Variants in PIK3R5 observed in about 807,000 individuals in gnomAD.
PIK3R5 encodes phosphoinositide-3-kinase regulatory subunit 5, also known as phosphoinositide 3-kinase regulatory subunit 5.
In PIK3R5, 32 loss-of-function variants were observed where a neutral mutation model predicts 94.9. The observed-to-expected ratio is 0.34, with a 90% CI of 0.25 to 0.45. PIK3R5 has a LOEUF of 0.45. Ranked by LOEUF, PIK3R5 falls within the 20% of genes least tolerant of loss-of-function variation. The probability of loss-of-function intolerance (pLI) is 1.00; values close to 1 mark genes in which losing one functional copy is unlikely to be tolerated. For missense variants in PIK3R5, 853 were observed against 1,144.6 expected (o/e 0.75, Z 3.68); for synonymous variants, 443 against 479.4 (o/e 0.92, Z 0.99).
chr17:8,902,499 A>G (rs1164902476), intron 5 of PIK3R5, among the ~76,000 whole-genome samples: 1 of 152,000 alleles, frequency 6.6e-6, no homozygotes, highest in Admixed American at 6.6e-5. Flanking sequence ...TGATCTGCCC[A>G]CCTCGGCCTC....
intron 1 of PIK3R5, among the ~76,000 whole-genome samples, chr17:8,946,437 C>T (rs1162356098): frequency 1.3e-5 from 2 of 151,768 alleles, no homozygotes; most frequent in South Asian, 2.1e-4. Context: ...TAGGAGATGG[C>T]GCCGTCTGCC....
At position 8,912,404 on chromosome 17, in the gene PIK3R5, C is replaced by G. The variant is rs538911595; in HGVS notation, c.-13-897G>C. 3 of 152,258 alleles carry G rather than the reference C, an allele frequency of 2.0e-5. No homozygotes were observed. The South Asian group carries it at 6.2e-4, about 31-fold the overall frequency. 9.4% of individuals were successfully genotyped at this position (152,258 alleles called of 1,614,324 possible). Reference sequence around the variant, plus strand: ...CTAGCCATGTGACTTTGGGCAAATACTTTAACTTTTCCAAACTTCTGTTGA... The same window carrying G: ...CTAGCCATGTGACTTTGGGCAAATAGTTTAACTTTTCCAAACTTCTGTTGA... On this transcript the variant is annotated intron_variant, in intron 1 of 18. Coordinates refer to ENST00000447110, the MANE Select transcript of PIK3R5 (RefSeq NM_001142633.3).
chr17:8,899,810 T>C (rs922292649), intron 5 of PIK3R5, among the ~76,000 whole-genome samples: 4 of 152,052 alleles, frequency 2.6e-5, no homozygotes, highest in Non-Finnish European at 4.4e-5. Context: ...GAGGCCGAGG[T>C]GGGCGGCTCA....
intron 1 of PIK3R5, among the ~76,000 whole-genome samples, chr17:8,951,703 A>C (rs1005387840): frequency 6.6e-6 from 1 of 152,184 alleles, no homozygotes; most frequent in African/African-American, 2.4e-5. Context: ...TTTTTTATTA[A>C]TAGTTTTCAG....
chr17:8,948,807 C>T (rs1169565487), intron 1 of PIK3R5, among the ~76,000 whole-genome samples: 2 of 152,154 alleles, frequency 1.3e-5, no homozygotes, highest in African/African-American at 2.4e-5. Flanking sequence ...CAGGTATATG[C>T]CTCCTAGCTA....
intron 1 of PIK3R5, among the ~76,000 whole-genome samples, chr17:8,928,335 T>C (rs1306383234): frequency 6.6e-6 from 1 of 152,126 alleles, no homozygotes; most frequent in African/African-American, 2.4e-5. Context: ...GCTGAAAAAG[T>C]ACTTGAATAA....
chr17:8,893,177 G>T lies in PIK3R5; in HGVS notation c.482+409C>A, dbSNP rs938102605. On this transcript the variant is annotated intron_variant, in intron 6 of 18. Transcript: ENST00000447110. The surrounding 1 kb of genome is among the most constrained non-coding windows in gnomAD (Gnocchi z 5.1). ...ACTGTTTTAGTAACAGACAGAAGGAGATTGTGGAAATATCATGGGCTTCTG... is the reference window on the plus strand; with the variant it reads ...ACTGTTTTAGTAACAGACAGAAGGATATTGTGGAAATATCATGGGCTTCTG... Among the ~76,000 whole-genome samples, 40 of 152,172 alleles carry T rather than the reference G, an allele frequency of 2.6e-4. No individual in the cohort carries two copies. The highest frequency in any genetic ancestry group is 8.4e-4 in the African/African-American group (35 of 41,494).
At position 8,880,122 on chromosome 17, in the gene PIK3R5, T is replaced by C. The variant is rs570055503; in HGVS notation, c.*517A>G. 1 of 153,224 alleles carries C rather than the reference T, an allele frequency of 6.5e-6. No homozygotes were observed. The highest frequency in any genetic ancestry group is 2.4e-5 in the African/African-American group (1 of 41,512). The allele number at this position is 153,224 out of a possible 1,614,324, so 9.5% of individuals were successfully genotyped here. On this transcript the variant is annotated 3_prime_UTR_variant, in exon 19 of 19. Transcript: ENST00000447110. ...TGCGCATGTGCGTACATGCATGCCA[T>C]GTGTGTGTGGTGTTTGCAGGGAGAG...
At chr17:8,900,944 A>G (rs1403979495) in intron 5 of PIK3R5, among the ~76,000 whole-genome samples, 2 of 152,164 alleles carry the variant, frequency 1.3e-5, no homozygotes, top group African/African-American at 2.4e-5. Flanking sequence ...TCCTTTTCAA[A>G]ATAAAAAAGA....
intron 3 of PIK3R5, among the ~76,000 whole-genome samples, chr17:8,906,354 A>G (rs1349801769): frequency 1.3e-5 from 2 of 152,202 alleles, no homozygotes; most frequent in African/African-American, 2.4e-5. Flanking sequence ...TTTCTGTTTT[A>G]CTATACGGTC....
Position 8,881,727 on chromosome 17 carries a change from C to G in PIK3R5, c.2300-15G>C. 6.2e-7 allele frequency: 1 copy of G among 1,613,806 alleles called. No individual in the cohort carries two copies. Among genetic ancestry groups the G allele is most frequent in the Non-Finnish European group, 8.5e-7 (1 of 1,179,788 alleles). On this transcript the variant is annotated splice_polypyrimidine_tract_variant and intron_variant, in intron 16 of 18. Transcript: ENST00000447110. The surrounding 1 kb of genome is among the most constrained non-coding windows in gnomAD (Gnocchi z 4.8). ...CATGCTGGAATCTGAGGGGCAAGGA[C>G]ACTCAGGCCAGGCTCAGAGCACCTC...
At chr17:8,901,638 A>C (rs920017089) in intron 5 of PIK3R5, among the ~76,000 whole-genome samples, 3 of 152,206 alleles carry the variant, frequency 2.0e-5, no homozygotes, top group Admixed American at 6.5e-5. Flanking sequence ...TGCCAGTACT[A>C]AACAGGACCT....
intron 1 of PIK3R5, among the ~76,000 whole-genome samples, chr17:8,946,293 C>T (rs377255627): frequency 1.3e-4 from 20 of 151,818 alleles, no homozygotes; most frequent in East Asian, 7.7e-4. Flanking sequence ...CACTAGACCA[C>T]GTGTTCAGAA....
rs143925371 is a variant in PIK3R5, at chr17:8,926,559, G to A, written c.-13-15052C>T. Among the ~76,000 whole-genome samples, 29 of 152,306 alleles carry A rather than the reference G, an allele frequency of 1.9e-4. No individual in the cohort carries two copies. The East Asian group carries it at 4.8e-3, about 25-fold the overall frequency. ...AAAAGGCACGTCTTACATGGCAGCAGCCAGAGAAAAATGAGGAAGATGCAA... is the reference window on the plus strand; with the variant it reads ...AAAAGGCACGTCTTACATGGCAGCAACCAGAGAAAAATGAGGAAGATGCAA... On this transcript the variant is annotated intron_variant, in intron 1 of 18. Coordinates refer to ENST00000447110, the MANE Select transcript of PIK3R5 (RefSeq NM_001142633.3).
intron 1 of PIK3R5, among the ~76,000 whole-genome samples, chr17:8,946,472 GAC>G (rs2091272396): frequency 6.6e-6 from 1 of 151,626 alleles, no homozygotes. Flanking sequence ...ACTACTATGA[GAC>G]AGCACCATCC....
At chr17:8,907,412 A>C (rs148646032) in intron 3 of PIK3R5, among the ~76,000 whole-genome samples, 411 of 152,302 alleles carry the variant, frequency 2.7e-3, no homozygotes, top group African/African-American at 9.4e-3. Flanking sequence ...TATGCAGCAC[A>C]TTCCTTTTTC....
At position 8,911,459 on chromosome 17, in the gene PIK3R5, G is replaced by A. The variant is rs1270930971; in HGVS notation, c.36C>T (p.Arg12=). 7.5e-6 allele frequency: 12 copies of A among 1,599,828 alleles called. No homozygotes were observed. The highest frequency in any genetic ancestry group is 1.0e-5 in the Non-Finnish European group (12 of 1,179,906). The change falls in exon 2 of 19, where the codon CGC becomes CGT. Residue 12 remains arginine, a synonymous_variant. Transcript: ENST00000447110. This position sits in a 1 kb window ranked among gnomAD's most constrained non-coding sequence, Gnocchi z 5.3. ...QPGATTCTED[R]IQHALERCLH... ...GGCAGCGTTCCAGGGCATGCTGGAT[G>A]CGGTCCTCCGTGCATGTCGTGGCCC...
At chr17:8,917,731 T>C (rs2090658329) in intron 1 of PIK3R5, among the ~76,000 whole-genome samples, 1 of 152,032 alleles carries the variant, frequency 6.6e-6, no homozygotes, top group Non-Finnish European at 1.5e-5. Flanking sequence ...CCAGGTGTGG[T>C]GGTGTGCGCC....
At chr17:8,950,095 A>C (rs1280559114) in intron 1 of PIK3R5, among the ~76,000 whole-genome samples, 1 of 152,194 alleles carries the variant, frequency 6.6e-6, no homozygotes, top group Non-Finnish European at 1.5e-5. Flanking sequence ...GAACAGCCAC[A>C]ATAGCAGCAT....
Sources: gnomAD v4.1 joint callset for allele counts (sites outside exome capture counted in the v4.1 genomes callset) on GRCh38, gnomAD v4.1.1 for gene constraint, Gnocchi (gnomAD v3.1) non-coding constraint, MANE v1.5 for transcripts, NCBI Gene and HGNC (gene_info 2026-07-23, HGNC 2026-07-21) for gene names.